Variants in FSIP1 observed in about 807,000 individuals in gnomAD.
FSIP1 encodes the protein fibrous sheath interacting protein 1, also known as fibrous sheath-interacting protein 1.
Under a neutral mutation model 60.9 loss-of-function variants are expected in FSIP1, and 65 were observed. The observed-to-expected ratio is 1.07, with a 90% CI of 0.87 to 1.31. The LOEUF (loss-of-function observed/expected upper bound fraction) is 1.31, where lower values mean the gene tolerates loss of function less well. Ranked by LOEUF, FSIP1 falls within the 40% of genes most tolerant of loss-of-function variation. FSIP1 has a pLI of 0.00. For synonymous variants in FSIP1, 209 were observed against 221.2 expected, an observed-to-expected ratio of 0.94 and a Z score of 0.49; for missense variants, 675 against 665.5, an observed-to-expected ratio of 1.01 and a Z score of -0.16.
At chr15:39,709,110 C>T (rs779602743) in intron 10 of FSIP1, among the ~76,000 whole-genome samples, 1 of 152,204 alleles carries the variant, frequency 6.6e-6, no homozygotes, top group Non-Finnish European at 1.5e-5. Context: ...CCAGCATTTA[C>T]TGACAAATCA....
At chr15:39,628,496 G>A (rs1399751290) in intron 10 of FSIP1, among the ~76,000 whole-genome samples, 1 of 152,172 alleles carries the variant, frequency 6.6e-6, no homozygotes, top group Non-Finnish European at 1.5e-5. Flanking sequence ...AAGCCACTGA[G>A]GAATCAAAAT....
Position 39,738,218 on chromosome 15 carries a change from T to C in FSIP1, c.781-17A>G, listed in dbSNP as rs1566908329. The C allele has an allele frequency of 4.0e-6, 6 of 1,513,360 alleles. No homozygotes were observed. In the Admixed American group the frequency reaches 5.2e-5, roughly 13 times the overall value. The allele number at this position is 1,513,360 out of a possible 1,614,324, so 93.7% of individuals were successfully genotyped here. On this transcript the variant is annotated splice_polypyrimidine_tract_variant and intron_variant, in intron 7 of 11. Coordinates refer to ENST00000350221, the MANE Select transcript of FSIP1 (RefSeq NM_152597.5). ...CTTGGCCAACTACAGAATTTATTAA[T>C]GGAAAATATCATATACTCAAGGAAA...
intron 10 of FSIP1, among the ~76,000 whole-genome samples, chr15:39,657,386 C>T (rs1339900478): frequency 1.3e-5 from 2 of 152,104 alleles, no homozygotes; most frequent in African/African-American, 4.8e-5. Flanking sequence ...ATATTTGATC[C>T]ACATGGTCAC....
chr15:39,737,397 C>G (rs1006246101), intron 8 of FSIP1, among the ~76,000 whole-genome samples: 3 of 152,116 alleles, frequency 2.0e-5, no homozygotes, highest in African/African-American at 7.2e-5. Context: ...TGGGCAGGAA[C>G]AGGACGGAAT....
At chr15:39,656,764 G>C (rs1316569310) in intron 10 of FSIP1, among the ~76,000 whole-genome samples, 1 of 152,008 alleles carries the variant, frequency 6.6e-6, no homozygotes, top group African/African-American at 2.4e-5. Flanking sequence ...TTTTTGGAAG[G>C]GTTCTGAACT....
Position 39,694,612 on chromosome 15 carries a change from C to T in FSIP1, c.1188+18832G>A, listed in dbSNP as rs1014551017. Among the ~76,000 whole-genome samples the T allele has an allele frequency of 3.9e-5, 6 of 151,914 alleles. No individual in the cohort carries two copies. The East Asian group carries it at 7.7e-4, about 20-fold the overall frequency. On this transcript the variant is annotated intron_variant, in intron 10 of 11. Transcript: ENST00000350221. ...GGTAAGGAGTTTGAGACCAGCCTGG[C>T]CAACATGGGGAACGCCGTCTCTACT...
At chr15:39,607,021 C>T (rs1050603832) in intron 11 of FSIP1, among the ~76,000 whole-genome samples, 2 of 152,108 alleles carry the variant, frequency 1.3e-5, no homozygotes, top group Admixed American at 6.5e-5. Context: ...ACACTTAATC[C>T]CCACTCTCCT....
intron 10 of FSIP1, among the ~76,000 whole-genome samples, chr15:39,687,488 G>GAT (rs1326613446): frequency 6.6e-6 from 1 of 152,154 alleles, no homozygotes; most frequent in African/African-American, 2.4e-5. Context: ...CAAGCGTCTA[G>GAT]AATCAGCCAT....
chr15:39,763,934 A>C lies in FSIP1; in HGVS notation c.466-20T>G. On this transcript the variant is annotated intron_variant, in intron 4 of 11. Transcript: ENST00000350221. ...TGCAGACTAATGAAAGGAAAATTAA[A>C]ATTTAAACATGGGAAAAGAAGGCAA... 7 of 1,324,220 alleles carry C rather than the reference A, an allele frequency of 5.3e-6. No individual in the cohort carries two copies. Among genetic ancestry groups the C allele is most frequent in the Non-Finnish European group, 7.5e-6 (7 of 928,702 alleles). The allele number at this position is 1,324,220 out of a possible 1,614,324, so 82.0% of individuals were successfully genotyped here.
At chr15:39,678,869 G>A (rs1245552687) in intron 10 of FSIP1, among the ~76,000 whole-genome samples, 1 of 152,184 alleles carries the variant, frequency 6.6e-6, no homozygotes, top group African/African-American at 2.4e-5. Context: ...AAACAGTGGA[G>A]AATTGATTCA....
chr15:39,625,769 G>T (rs987254216), intron 10 of FSIP1, among the ~76,000 whole-genome samples: 12 of 152,170 alleles, frequency 7.9e-5, no homozygotes, highest in Non-Finnish European at 1.5e-5. Context: ...GAGGTGCACA[G>T]ATTTGCATAA....
intron 10 of FSIP1, among the ~76,000 whole-genome samples, chr15:39,694,168 TA>T (rs1406239594): frequency 1.3e-5 from 2 of 151,454 alleles, no homozygotes; most frequent in African/African-American, 2.4e-5. Flanking sequence ...CCAAGAGATT[TA>T]TTTTTTTTTT....
chr15:39,722,769 A>G (rs373488991), intron 9 of FSIP1, among the ~76,000 whole-genome samples: 71 of 152,130 alleles, frequency 4.7e-4, no homozygotes, highest in African/African-American at 1.7e-3. Context: ...CACCTCTAAA[A>G]AAAATTAAAA....
At chr15:39,696,931 G>C (rs1030132345) in intron 10 of FSIP1, among the ~76,000 whole-genome samples, 1 of 125,370 alleles carries the variant, frequency 8.0e-6, no homozygotes, top group Non-Finnish European at 1.8e-5. Flanking sequence ...TGTGTGTTGG[G>C]ATGGGGGAAG....
intron 10 of FSIP1, among the ~76,000 whole-genome samples, chr15:39,712,642 T>G (rs1895567142): frequency 6.6e-6 from 1 of 152,206 alleles, no homozygotes; most frequent in Admixed American, 6.5e-5. Context: ...AAGCTCAGCC[T>G]TGACATGTTT....
chr15:39,620,735 G>GCACCCAC (rs1386286094), intron 10 of FSIP1, among the ~76,000 whole-genome samples: 3 of 149,026 alleles, frequency 2.0e-5, no homozygotes, highest in Non-Finnish European at 4.4e-5. Flanking sequence ...GGAATTATAG[G>GCACCCAC]CACCCACCAC....
intron 10 of FSIP1, among the ~76,000 whole-genome samples, chr15:39,687,049 C>T (rs756410275): frequency 5.3e-5 from 8 of 151,772 alleles, no homozygotes; most frequent in Non-Finnish European, 8.8e-5. Context: ...CAATCTGTGT[C>T]CTTCCCTGCT....
At chr15:39,725,786 ATTT>A (rs201621001) in intron 9 of FSIP1, among the ~76,000 whole-genome samples, 1,969 of 143,460 alleles carry the variant, frequency 0.014, 44 homozygotes, top group African/African-American at 0.047. Context: ...CTTCTACCAG[ATTT>A]TTTTTTTTTT....
chr15:39,674,247 G>C (rs1000804283), intron 10 of FSIP1, among the ~76,000 whole-genome samples: 8 of 151,812 alleles, frequency 5.3e-5, no homozygotes, highest in African/African-American at 1.9e-4. Context: ...GTAGAGACAG[G>C]GTTTCACCGT....
Sources: allele counts gnomAD v4.1 joint callset (sites outside exome capture counted in the v4.1 genomes callset), GRCh38; gene constraint gnomAD v4.1.1; transcripts MANE v1.5; gene names NCBI Gene and HGNC (gene_info 2026-07-23, HGNC 2026-07-21).